Variants in ANKFN1 observed in about 807,000 individuals in gnomAD.
ANKFN1 encodes the protein ankyrin repeat and fibronectin type-III domain-containing protein 1.
Under a neutral mutation model 108.7 loss-of-function variants are expected in ANKFN1, and 74 were observed. The observed-to-expected ratio is 0.68, with a 90% CI of 0.56 to 0.83. The LOEUF is 0.83. Ranked by LOEUF, ANKFN1 falls within the 40% of genes least tolerant of loss-of-function variation. The probability of loss-of-function intolerance (pLI) is 0.00; values close to 1 mark genes in which losing one functional copy is unlikely to be tolerated. For synonymous variants in ANKFN1, 547 were observed against 516.2 expected, an observed-to-expected ratio of 1.06 and a Z score of -0.81; for missense variants, 1,505 against 1,382.3, an observed-to-expected ratio of 1.09 and a Z score of -1.41.
chr17:56,265,525 A>G (rs2043626782), intron 3 of ANKFN1, among the ~76,000 whole-genome samples: 1 of 152,150 alleles, frequency 6.6e-6, no homozygotes, highest in South Asian at 2.1e-4. Context: ...ATCATGTGCA[A>G]TGTTTAATAA....
intron 6 of ANKFN1, among the ~76,000 whole-genome samples, chr17:56,357,599 A>G (rs2046408351): frequency 1.3e-5 from 2 of 152,172 alleles, no homozygotes; most frequent in Admixed American, 1.3e-4. Context: ...TGTTGGAGAG[A>G]GGCAGGATAG....
At position 56,301,323 on chromosome 17, in the gene ANKFN1, T is replaced by C. The variant is rs550618818; in HGVS notation, c.54-24898T>C. Reference sequence around the variant, plus strand: ...TCCTGGCAACATGCTCACCGCCAGATTGGGCTGAATCTTTCTGGACACTAA... The same window carrying C: ...TCCTGGCAACATGCTCACCGCCAGACTGGGCTGAATCTTTCTGGACACTAA... On this transcript the variant is annotated intron_variant, in intron 3 of 20. Transcript: ENST00000682825. Among the ~76,000 whole-genome samples the C allele has an allele frequency of 5.3e-5, 8 of 152,342 alleles. No individual in the cohort carries two copies. In the South Asian group the frequency reaches 1.5e-3, roughly 28 times the overall value.
intron 8 of ANKFN1, among the ~76,000 whole-genome samples, chr17:56,412,672 G>C (rs2048127709): frequency 6.6e-6 from 1 of 152,174 alleles, no homozygotes; most frequent in Non-Finnish European, 1.5e-5. Context: ...TATACCAGTA[G>C]TTTGCAAGGG....
chr17:56,068,310 C>T (rs189573855), intron 4 of ANKFN1, among the ~76,000 whole-genome samples: 11 of 152,078 alleles, frequency 7.2e-5, no homozygotes, highest in African/African-American at 2.4e-4. Context: ...AGGTGTGGGC[C>T]GTGTTAAGAG....
In ANKFN1 at chr17:56,067,763, C is replaced by T. The variant is rs139196063; in HGVS notation, c.288+21438C>T. ...ACAGCTTTCCTCAGCTTACCAGCTG[C>T]GAGTAAATTTTATTAACTACGAGGC... On this transcript the variant is annotated intron_variant, in intron 4 of 12. Transcript: ENST00000635860. 7.2e-4 allele frequency among the ~76,000 whole-genome samples: 110 copies of T among 152,234 alleles called. 1 individual carries two copies. The highest frequency in any genetic ancestry group is 4.8e-3 in the East Asian group (25 of 5,180).
At chr17:56,139,146 C>T (rs72829750) in intron 4 of ANKFN1, among the ~76,000 whole-genome samples, 51,694 of 151,816 alleles carry the variant, frequency 0.34, 9,542 homozygotes, top group East Asian at 0.53. Flanking sequence ...ATTTTTAATG[C>T]CATTATTAAA....
At chr17:56,073,126 G>A (rs1905140068) in intron 4 of ANKFN1, among the ~76,000 whole-genome samples, 1 of 151,084 alleles carries the variant, frequency 6.6e-6, no homozygotes, top group East Asian at 1.9e-4. Context: ...CCAAGTAGCT[G>A]GGACTACAGG....
intron 8 of ANKFN1, among the ~76,000 whole-genome samples, chr17:56,413,286 T>G (rs2048148679): frequency 6.6e-6 from 1 of 152,224 alleles, no homozygotes; most frequent in Non-Finnish European, 1.5e-5. Flanking sequence ...ATCCTGAGAC[T>G]TTGCTGAAGT....
intron 4 of ANKFN1, among the ~76,000 whole-genome samples, chr17:56,095,444 G>A (rs572305810): frequency 3.3e-5 from 5 of 150,844 alleles, no homozygotes; most frequent in Admixed American, 2.0e-4. Flanking sequence ...GGTGCATGCC[G>A]CCACACCCAG....
intron 4 of ANKFN1, among the ~76,000 whole-genome samples, chr17:56,050,400 G>T (rs1369141528): frequency 7.2e-6 from 1 of 139,210 alleles, no homozygotes; most frequent in African/African-American, 2.8e-5. Context: ...AGTTTAATTA[G>T]ATCCCATTTG....
chr17:56,244,233 T>A (rs1050671552), intron 3 of ANKFN1, among the ~76,000 whole-genome samples: 3 of 152,154 alleles, frequency 2.0e-5, no homozygotes, highest in Non-Finnish European at 4.4e-5. Context: ...TCAGACACTG[T>A]GCTAGGTGAA....
intron 3 of ANKFN1, among the ~76,000 whole-genome samples, chr17:56,321,181 C>T (rs779610509): frequency 6.6e-6 from 1 of 151,774 alleles, no homozygotes; most frequent in Admixed American, 6.6e-5. Context: ...GTTTCACATT[C>T]ATTACTAACA....
chr17:56,361,209 C>A (rs1281362451), intron 6 of ANKFN1, among the ~76,000 whole-genome samples: 3 of 151,888 alleles, frequency 2.0e-5, no homozygotes, highest in African/African-American at 7.3e-5. Flanking sequence ...CATAGAATAT[C>A]TTCTCCTTGT....
At chr17:56,399,930 T>C (rs1257468713) in intron 8 of ANKFN1, among the ~76,000 whole-genome samples, 1 of 146,836 alleles carries the variant, frequency 6.8e-6, no homozygotes, top group African/African-American at 2.5e-5. Context: ...TATATAGTGA[T>C]ATATATACAG....
intron 4 of ANKFN1, among the ~76,000 whole-genome samples, chr17:56,146,156 AT>A (rs1219939198): frequency 2.0e-5 from 3 of 152,240 alleles, no homozygotes; most frequent in African/African-American, 7.2e-5. Context: ...CATGTGTCAC[AT>A]CCAGATTATG....
intron 6 of ANKFN1, among the ~76,000 whole-genome samples, chr17:56,354,391 ATCCACAGTCAATGCGGTGGCT>A (rs1286176045): frequency 6.6e-6 from 1 of 151,986 alleles, no homozygotes; most frequent in Non-Finnish European, 1.5e-5. Flanking sequence ...TCTGTTTTGT[ATCCACAGTCAATGCGGTGGCT>A]TCATTCATTC....
At chr17:56,155,322 G>A (rs1909000986) in intron 1 of ANKFN1, among the ~76,000 whole-genome samples, 1 of 152,138 alleles carries the variant, frequency 6.6e-6, no homozygotes, top group Non-Finnish European at 1.5e-5. Flanking sequence ...TTCTGATATA[G>A]GCAAGCAAGC....
chr17:56,374,986 T>C (rs2046907827), intron 8 of ANKFN1, among the ~76,000 whole-genome samples: 1 of 152,144 alleles, frequency 6.6e-6, no homozygotes, highest in Non-Finnish European at 1.5e-5. Flanking sequence ...ACTTGCTCTA[T>C]GCATAGCACA....
chr17:56,462,902 C>G (rs958148635), intron 14 of ANKFN1, among the ~76,000 whole-genome samples: 2 of 152,184 alleles, frequency 1.3e-5, no homozygotes, highest in Admixed American at 6.5e-5. Context: ...AGCTGTGGCT[C>G]AGACATTTTA....
Sources: gnomAD v4.1 joint callset for allele counts (sites outside exome capture counted in the v4.1 genomes callset) on GRCh38, gnomAD v4.1.1 for gene constraint, MANE v1.5 for transcripts, NCBI Gene and HGNC (gene_info 2026-07-23, HGNC 2026-07-21) for gene names.